OLFM3: variants seen among roughly 807,000 people sequenced by gnomAD.
OLFM3 encodes olfactomedin 3.
OLFM3 carries 20 observed loss-of-function variants against 48.6 expected under a neutral mutation model. That is an observed-to-expected ratio of 0.41 (90% CI 0.29 to 0.60). OLFM3 has a LOEUF of 0.60. OLFM3 is among the 20% of genes least tolerant of loss of function. The pLI, the probability that OLFM3 is intolerant of heterozygous loss-of-function variation, is 0.28. For missense variants in OLFM3, 437 were observed against 544.3 expected (o/e 0.80, Z 1.96); for synonymous variants, 222 against 198.1 (o/e 1.12, Z -1.01).
At chr1:101,812,845 T>G in intron 4 of OLFM3, 3 of 990,124 alleles carry the variant, frequency 3.0e-6, no homozygotes, top group Non-Finnish European at 3.6e-6. Flanking sequence ...TGAGGAAAAT[T>G]GATTCTTACT....
At chr1:101,937,524 C>G (rs1659661427) in intron 1 of OLFM3, among the ~76,000 whole-genome samples, 1 of 152,142 alleles carries the variant, frequency 6.6e-6, no homozygotes, top group South Asian at 2.1e-4. Context: ...ATAAGTCCCA[C>G]AAGACCTGAT....
chr1:101,901,774 G>T (rs1658395219), intron 1 of OLFM3, among the ~76,000 whole-genome samples: 1 of 151,982 alleles, frequency 6.6e-6, no homozygotes, highest in Non-Finnish European at 1.5e-5. Flanking sequence ...ATTTCAACTG[G>T]GAGAACAGTG....
At chr1:101,826,180 T>G (rs531203327) in intron 3 of OLFM3, among the ~76,000 whole-genome samples, 1 of 144,532 alleles carries the variant, frequency 6.9e-6, no homozygotes, top group Non-Finnish European at 1.5e-5. Context: ...ACACACAGTG[T>G]ATGTTGTCAA....
chr1:101,807,088 A>C lies in OLFM3; in HGVS notation c.593-906T>G, dbSNP rs539003007. Among the ~76,000 whole-genome samples, 21 of 151,890 alleles carry C rather than the reference A, an allele frequency of 1.4e-4. No individual in the cohort carries two copies. The South Asian group carries it at 4.1e-3, about 30-fold the overall frequency. On this transcript the variant is annotated intron_variant, in intron 4 of 5. Coordinates refer to ENST00000370103, the MANE Select transcript of OLFM3 (RefSeq NM_058170.4). ...TACCTGGATTATATTAGTTTGGGTC[A>C]CTTATTATGCTTATCTTTCTTTTTT...
chr1:101,974,672 A>G (rs997193935), intron 1 of OLFM3, among the ~76,000 whole-genome samples: 5 of 152,100 alleles, frequency 3.3e-5, no homozygotes, highest in African/African-American at 1.2e-4. Flanking sequence ...GGGTCTACTA[A>G]TGCTACATAA....
chr1:101,875,591 A>T (rs1657267164), intron 1 of OLFM3, among the ~76,000 whole-genome samples: 1 of 152,016 alleles, frequency 6.6e-6, no homozygotes, highest in South Asian at 2.1e-4. Flanking sequence ...CTAGGACATA[A>T]GATGAGTTAA....
At position 101,810,721 on chromosome 1, in the gene OLFM3, G is replaced by A. The variant is rs182980884; in HGVS notation, c.593-4539C>T. 3.9e-3 allele frequency among the ~76,000 whole-genome samples: 592 copies of A among 152,030 alleles called. 2 individuals carry two copies. Among genetic ancestry groups the A allele is most frequent in the African/African-American group, 0.014 (575 of 41,538 alleles). Reference sequence around the variant, plus strand: ...TTTGGCCTTTATCCTGTAAGGAATAGATTGAAACTCTGTTCTTTAAACTTT... The same window carrying A: ...TTTGGCCTTTATCCTGTAAGGAATAAATTGAAACTCTGTTCTTTAAACTTT... On this transcript the variant is annotated intron_variant, in intron 4 of 5. Coordinates refer to ENST00000370103, the MANE Select transcript of OLFM3 (RefSeq NM_058170.4).
chr1:101,893,270 C>A, intron 1 of OLFM3: 1 of 348,296 alleles, frequency 2.9e-6, no homozygotes, highest in Non-Finnish European at 5.7e-6. Flanking sequence ...AGGAACAGTA[C>A]AGTGCTGTCA....
intron 1 of OLFM3, among the ~76,000 whole-genome samples, chr1:101,840,627 C>A (rs1009156967): frequency 1.3e-5 from 2 of 152,064 alleles, no homozygotes; most frequent in Admixed American, 1.3e-4. Context: ...CACACAATCA[C>A]GCCCAGTTAA....
chr1:101,882,394 A>T (rs1657570051), intron 1 of OLFM3: 7 of 149,932 alleles, frequency 4.7e-5, no homozygotes, highest in Admixed American at 3.3e-4. Context: ...TTATATAATC[A>T]TATATAGAAT....
rs185631790 is a variant in OLFM3 at position 101,973,315 on chromosome 1, A to G, written c.69+23433T>C. 3.6e-4 allele frequency among the ~76,000 whole-genome samples: 55 copies of G among 152,324 alleles called. No individual in the cohort carries two copies. In the East Asian group the frequency reaches 6.6e-3, roughly 18 times the overall value. On this transcript the variant is annotated intron_variant, in intron 1 of 5. Transcript: ENST00000370103. ...TGAGAACCAGGAGATTCCATGTCCA[A>G]TGTCTGAGGCAGGAGAGCATAGATG...
At chr1:101,839,415 A>G (rs1442136262) in intron 1 of OLFM3, among the ~76,000 whole-genome samples, 1 of 152,206 alleles carries the variant, frequency 6.6e-6, no homozygotes, top group African/African-American at 2.4e-5. Flanking sequence ...TTTCAATGAT[A>G]TAATTAGGTT....
intron 1 of OLFM3, among the ~76,000 whole-genome samples, chr1:101,943,809 A>G (rs1033875027): frequency 6.6e-6 from 1 of 152,104 alleles, no homozygotes; most frequent in African/African-American, 2.4e-5. Flanking sequence ...GGTATATCTA[A>G]AGGAGGATTA....
chr1:101,985,965 ATTTT>A (rs397973710), intron 1 of OLFM3, among the ~76,000 whole-genome samples: 1 of 134,906 alleles, frequency 7.4e-6, no homozygotes. Flanking sequence ...GATGAACTAC[ATTTT>A]TTTTTTTTTT....
chr1:101,879,796 T>A (rs1657446356), intron 1 of OLFM3, among the ~76,000 whole-genome samples: 1 of 151,882 alleles, frequency 6.6e-6, no homozygotes. Context: ...CTGAATTTCA[T>A]AAATATTCTG....
intron 1 of OLFM3, among the ~76,000 whole-genome samples, chr1:101,953,752 C>G (rs961167023): frequency 6.6e-6 from 1 of 152,124 alleles, no homozygotes; most frequent in African/African-American, 2.4e-5. Context: ...CCTTCACATA[C>G]TTTTGTGAGC....
At chr1:101,971,668 C>A (rs948079154) in intron 1 of OLFM3, among the ~76,000 whole-genome samples, 10 of 152,108 alleles carry the variant, frequency 6.6e-5, no homozygotes, top group Non-Finnish European at 1.2e-4. Flanking sequence ...CCCAATTAGA[C>A]AAGACTTTAC....
chr1:101,965,428 C>T (rs1304322017), intron 1 of OLFM3, among the ~76,000 whole-genome samples: 1 of 152,152 alleles, frequency 6.6e-6, no homozygotes, highest in Non-Finnish European at 1.5e-5. Flanking sequence ...GGCAGTACAA[C>T]TGCTGGTAAA....
intron 1 of OLFM3, among the ~76,000 whole-genome samples, chr1:101,960,534 T>C (rs1660436118): frequency 6.6e-6 from 1 of 152,208 alleles, no homozygotes; most frequent in African/African-American, 2.4e-5. Flanking sequence ...TTGCCAATCA[T>C]ATGAGCTACC....
Sources: gnomAD v4.1 joint callset for allele counts (sites outside exome capture counted in the v4.1 genomes callset) on GRCh38, gnomAD v4.1.1 for gene constraint, MANE v1.5 for transcripts, NCBI Gene and HGNC (gene_info 2026-07-23, HGNC 2026-07-21) for gene names.